Variants in FBXW7 observed in about 807,000 individuals in gnomAD.
The protein encoded by FBXW7 is F-box and WD repeat domain containing 7, also known as F-box/WD repeat-containing protein 7.
Under a neutral mutation model 86.3 loss-of-function variants are expected in FBXW7, and 11 were observed. The ratio of observed to expected loss-of-function variants is 0.13; its 90% CI spans 0.08 to 0.21. FBXW7 has a LOEUF of 0.21. Ranked by LOEUF, FBXW7 falls within the 10% of genes least tolerant of loss-of-function variation. FBXW7 has a pLI of 1.00. For missense variants in FBXW7, 488 were observed against 847.4 expected, an observed-to-expected ratio of 0.58 and a Z score of 5.27; for synonymous variants, 313 against 297.9, an observed-to-expected ratio of 1.05 and a Z score of -0.52.
At chr4:152,481,657 T>C (rs557801613) in intron 2 of FBXW7, among the ~76,000 whole-genome samples, 1 of 152,268 alleles carries the variant, frequency 6.6e-6, no homozygotes, top group Non-Finnish European at 1.5e-5. Context: ...ACACCAGCAT[T>C]AACAGAACTC....
chr4:152,411,234 G>A (rs2126875248), intron 4 of FBXW7, 69 bp downstream of exon 4: 1 of 1,460,462 alleles, frequency 6.8e-7, no homozygotes, highest in Non-Finnish European at 9.1e-7. Flanking sequence ...AGACTGTGAG[G>A]AAAGTTTCAT....
intron 4 of FBXW7, among the ~76,000 whole-genome samples, chr4:152,352,010 T>C (rs1008842892): frequency 5.3e-5 from 8 of 152,272 alleles, no homozygotes; most frequent in Non-Finnish European, 5.9e-5. Context: ...CAAAAATTAA[T>C]TCTGCAATTT....
intron 2 of FBXW7, among the ~76,000 whole-genome samples, chr4:152,509,843 T>C (rs1747796516): frequency 6.6e-6 from 1 of 152,172 alleles, no homozygotes; most frequent in Non-Finnish European, 1.5e-5. Context: ...TCATGAAGAA[T>C]GTGACAATAG....
intron 2 of FBXW7, among the ~76,000 whole-genome samples, chr4:152,484,678 T>C (rs919240011): frequency 2.0e-5 from 3 of 152,090 alleles, no homozygotes; most frequent in African/African-American, 4.8e-5. Flanking sequence ...AAGGAATATA[T>C]AGAATGGGTA....
intron 2 of FBXW7, among the ~76,000 whole-genome samples, chr4:152,423,646 G>A (rs775215126): frequency 3.3e-5 from 5 of 152,160 alleles, no homozygotes; most frequent in African/African-American, 7.2e-5. Context: ...ACACAGCAAT[G>A]AGAATGAGAA....
intron 10 of FBXW7, among the ~76,000 whole-genome samples, 177 bp downstream of exon 10, chr4:152,329,495 T>A (rs1729355002): frequency 6.6e-6 from 1 of 151,932 alleles, no homozygotes; most frequent in African/African-American, 2.4e-5. Flanking sequence ...AGCATCACTA[T>A]CCTCATGCCA....
At chr4:152,517,324 C>G (rs1003334947) in intron 2 of FBXW7, among the ~76,000 whole-genome samples, 2 of 152,022 alleles carry the variant, frequency 1.3e-5, no homozygotes, top group Admixed American at 6.6e-5. Flanking sequence ...AAAAAGGAAA[C>G]ACAGAAATCT....
chr4:152,440,979 T>C (rs1436306664), intron 2 of FBXW7, among the ~76,000 whole-genome samples: 1 of 152,152 alleles, frequency 6.6e-6, no homozygotes, highest in Non-Finnish European at 1.5e-5. Flanking sequence ...GTCTCTTCTA[T>C]GTAGAAATTT....
At chr4:152,421,871 T>C (rs937644150) in intron 2 of FBXW7, among the ~76,000 whole-genome samples, 3 of 152,154 alleles carry the variant, frequency 2.0e-5, no homozygotes, top group Non-Finnish European at 2.9e-5. Flanking sequence ...TTTATTCTTC[T>C]ATGGGTGTGG....
intron 7 of FBXW7, among the ~76,000 whole-genome samples, chr4:152,336,655 A>C (rs1172413950): frequency 5.9e-5 from 9 of 152,108 alleles, no homozygotes; most frequent in Admixed American, 5.9e-4. Context: ...ATTCAGTTTT[A>C]GAATGAGCCA....
intron 4 of FBXW7, among the ~76,000 whole-genome samples, chr4:152,409,531 A>G (rs1277395075): frequency 6.6e-6 from 1 of 152,122 alleles, no homozygotes; most frequent in African/African-American, 2.4e-5. Context: ...CTCTGGCAGA[A>G]GGGTTTCAGG....
chr4:152,504,695 C>A (rs1747254520), intron 2 of FBXW7, among the ~76,000 whole-genome samples: 1 of 152,064 alleles, frequency 6.6e-6, no homozygotes, highest in Non-Finnish European at 1.5e-5. Context: ...CTTTTCCAAC[C>A]ATAAACTTTA....
At chr4:152,357,381 C>T (rs984975862) in intron 4 of FBXW7, among the ~76,000 whole-genome samples, 22 of 151,404 alleles carry the variant, frequency 1.5e-4, no homozygotes, top group African/African-American at 3.6e-4. Flanking sequence ...AGTGCAGTGG[C>T]GCAATCTCGG....
At chr4:152,373,579 GACACGATCCCAAGCAATGAT>G (rs1734199122) in intron 4 of FBXW7, among the ~76,000 whole-genome samples, 4 of 151,984 alleles carry the variant, frequency 2.6e-5, no homozygotes, top group Admixed American at 2.6e-4. Flanking sequence ...CATAAGACAA[GACACGATCCCAAGCAATGAT>G]ACAAGTTCCC....
At chr4:152,489,717 C>T (rs1460079217) in intron 2 of FBXW7, among the ~76,000 whole-genome samples, 1 of 152,084 alleles carries the variant, frequency 6.6e-6, no homozygotes, top group Non-Finnish European at 1.5e-5. Context: ...ATTTAGCCCA[C>T]TGTAATCCTT....
At chr4:152,357,299 T>TTTAA (rs1732477720) in intron 4 of FBXW7, among the ~76,000 whole-genome samples, 1 of 151,948 alleles carries the variant, frequency 6.6e-6, no homozygotes, top group Non-Finnish European at 1.5e-5. Context: ...TAAATTTTAA[T>TTTAA]ATAATTACAG....
intron 4 of FBXW7, among the ~76,000 whole-genome samples, chr4:152,350,628 T>C (rs1257630159): frequency 1.3e-5 from 2 of 151,830 alleles, no homozygotes; most frequent in Non-Finnish European, 3.0e-5. Context: ...TAAAGAGCAG[T>C]ATAAATAATC....
intron 2 of FBXW7, among the ~76,000 whole-genome samples, chr4:152,473,691 C>A (rs1250459275): frequency 6.6e-6 from 1 of 151,836 alleles, no homozygotes; most frequent in Non-Finnish European, 1.5e-5. Flanking sequence ...GTTATGTTGC[C>A]CAGGCTGCAC....
At chr4:152,507,287 CAAAT>C (rs1385577058) in intron 2 of FBXW7, among the ~76,000 whole-genome samples, 2 of 151,924 alleles carry the variant, frequency 1.3e-5, no homozygotes, top group African/African-American at 4.8e-5. Context: ...ATCACTACAC[CAAAT>C]AAATAAATGA....
Sources: gnomAD v4.1 joint callset for allele counts (sites outside exome capture counted in the v4.1 genomes callset) on GRCh38, gnomAD v4.1.1 for gene constraint, MANE v1.5 for transcripts, NCBI Gene and HGNC (gene_info 2026-07-23, HGNC 2026-07-21) for gene names.